Variants in CMIP observed in about 807,000 individuals in gnomAD.
The protein encoded by CMIP is c-Maf inducing protein.
In CMIP, 13 loss-of-function variants were observed where a neutral mutation model predicts 97.3. That is an observed-to-expected ratio of 0.13 (90% CI 0.09 to 0.21). The LOEUF is 0.21. CMIP is among the 10% of genes least tolerant of loss of function. The pLI, the probability that CMIP is intolerant of heterozygous loss-of-function variation, is 1.00. For synonymous variants in CMIP, 538 were observed against 436.3 expected (o/e 1.23, Z -2.91); for missense variants, 847 against 1,024.9 (o/e 0.83, Z 2.37).
At chr16:81,468,833 G>A (rs571570115) in intron 1 of CMIP, among the ~76,000 whole-genome samples, 6 of 152,350 alleles carry the variant, frequency 3.9e-5, no homozygotes, top group African/African-American at 1.4e-4. Flanking sequence ...GAAAGTCCGA[G>A]GGGCCTGGTG....
At chr16:81,680,901 C>A (rs916243928) in intron 10 of CMIP, among the ~76,000 whole-genome samples, 2 of 152,212 alleles carry the variant, frequency 1.3e-5, no homozygotes, top group Non-Finnish European at 2.9e-5. Context: ...TCCTATTTCT[C>A]ATTAAGCACT....
chr16:81,620,728 C>G (rs141333191), intron 2 of CMIP, 148 bp from the exon 3 acceptor site: 2 of 901,528 alleles, frequency 2.2e-6, no homozygotes, highest in East Asian at 2.7e-5. Context: ...ACAGGCTCAG[C>G]TTAGCATATC....
At position 81,504,641 on chromosome 16, in the gene CMIP, CAA is replaced by C. The variant is rs149715666; in HGVS notation, c.300+59124_300+59125del. Among the ~76,000 whole-genome samples the C allele has an allele frequency of 9.7e-5, 7 of 71,986 alleles. No individual in the cohort carries two copies. The East Asian group carries it at 2.0e-3, about 21-fold the overall frequency. The allele number at this position is 71,986 out of a possible 152,430, so 47.2% of individuals were successfully genotyped here. On this transcript the variant is annotated intron_variant, in intron 1 of 20. Transcript: ENST00000537098. ...CTCGGCGACAGAGTGAGACTCGTCT[CAA>C]AAAAAAAAAAAAAAAAAAAAAAAGA...
At chr16:81,479,143 A>G (rs545577398) in intron 1 of CMIP, among the ~76,000 whole-genome samples, 1 of 152,126 alleles carries the variant, frequency 6.6e-6, no homozygotes, top group African/African-American at 2.4e-5. Context: ...TTCTTTGCTT[A>G]ATCTGGCCTT....
At position 81,445,178 on chromosome 16, in the gene CMIP, C is replaced by T; in HGVS notation, c.-64C>T. ...TGCGGGCCGCCGGATCCGGGGGCCC[C>T]GCCGCCCCAGCAGCCCAGGACAGCC... On this transcript the variant is annotated 5_prime_UTR_variant, in exon 1 of 21. Coordinates refer to ENST00000537098, the MANE Select transcript of CMIP (RefSeq NM_198390.3). 8.9e-7 allele frequency: 1 copy of T among 1,126,016 alleles called. No individual in the cohort carries two copies. The allele number at this position is 1,126,016 out of a possible 1,614,324, so 69.8% of individuals were successfully genotyped here.
chr16:81,682,961 G>C (rs1251001780), intron 10 of CMIP, among the ~76,000 whole-genome samples: 1 of 152,238 alleles, frequency 6.6e-6, no homozygotes, highest in Non-Finnish European at 1.5e-5. Context: ...TTCGGGAGGC[G>C]AAGAAGAGCT....
intron 1 of CMIP, among the ~76,000 whole-genome samples, chr16:81,474,474 T>C (rs1002664875): frequency 6.6e-6 from 1 of 152,100 alleles, no homozygotes; most frequent in Non-Finnish European, 1.5e-5. Context: ...TACTTCTGCT[T>C]CATGTGAGGG....
At chr16:81,557,310 T>C (rs1413473784) in intron 1 of CMIP, among the ~76,000 whole-genome samples, 2 of 125,812 alleles carry the variant, frequency 1.6e-5, no homozygotes, top group African/African-American at 3.0e-5. Context: ...TTGAATTTAC[T>C]GATGTTGGTT....
Position 81,694,464 on chromosome 16 carries a change from T to TG in CMIP, c.1530+979dup, listed in dbSNP as rs1456334257. ...AAATGGGTCAAACTGGACCTTAGTC[T>TG]GGAGGGTGGAGCATGGTGTTTGAGA... On this transcript the variant is annotated intron_variant, in intron 13 of 20. Transcript: ENST00000537098. 2.0e-5 allele frequency among the ~76,000 whole-genome samples: 3 copies of TG among 152,174 alleles called. No individual in the cohort carries two copies. The East Asian group carries it at 5.8e-4, about 29-fold the overall frequency.
chr16:81,585,040 C>T (rs944084168), intron 1 of CMIP, among the ~76,000 whole-genome samples: 1 of 152,160 alleles, frequency 6.6e-6, no homozygotes, highest in Non-Finnish European at 1.5e-5. Flanking sequence ...ATGTAAAAAC[C>T]ACATGTAAAT....
intron 1 of CMIP, among the ~76,000 whole-genome samples, chr16:81,588,811 A>G (rs1226798017): frequency 6.6e-6 from 1 of 152,152 alleles, no homozygotes; most frequent in Non-Finnish European, 1.5e-5. Context: ...AGCACTTACC[A>G]TGAGCCAGAC....
At chr16:81,637,281 C>T (rs558401587) in intron 3 of CMIP, among the ~76,000 whole-genome samples, 3 of 152,232 alleles carry the variant, frequency 2.0e-5, no homozygotes, top group African/African-American at 7.2e-5. Context: ...TCATGTTGGC[C>T]AGGCTGGTCT....
At chr16:81,477,638 G>T (rs908620808) in intron 1 of CMIP, among the ~76,000 whole-genome samples, 2 of 152,224 alleles carry the variant, frequency 1.3e-5, no homozygotes, top group Non-Finnish European at 2.9e-5. Context: ...ATTTAAAAAT[G>T]CAGCAGCTTA....
chr16:81,587,775 T>C (rs2091406085), intron 1 of CMIP, among the ~76,000 whole-genome samples: 2 of 152,188 alleles, frequency 1.3e-5, no homozygotes, highest in Non-Finnish European at 2.9e-5. Context: ...CATGGTGATT[T>C]TAGAGAGCAC....
In CMIP at chr16:81,445,607, G is replaced by A. The variant is rs563076976; in HGVS notation, c.300+66G>A. On this transcript the variant is annotated intron_variant, in intron 1 of 20. Transcript: ENST00000537098. ...GGCCCGAGATGCGCCCTCCCTGGCT[G>A]CCCCCTGGCGCTGCACCTGGAGCCC... 1.3e-4 allele frequency: 193 copies of A among 1,480,660 alleles called. 1 individual carries two copies. The African/African-American group carries it at 2.5e-3, about 19-fold the overall frequency. 91.7% of individuals were successfully genotyped at this position (1,480,660 alleles called of 1,614,324 possible). A position where few individuals can be genotyped will look rare whatever the true frequency, so the allele number is the denominator to read the frequency against.
At chr16:81,575,727 G>A (rs72829068) in intron 1 of CMIP, among the ~76,000 whole-genome samples, 18,369 of 152,158 alleles carry the variant, frequency 0.12, 1,503 homozygotes, top group East Asian at 0.27. Context: ...TGGGAGGTGT[G>A]TGCTGGGCCC....
chr16:81,586,524 A>C (rs1014743203), intron 1 of CMIP, among the ~76,000 whole-genome samples: 1 of 152,106 alleles, frequency 6.6e-6, no homozygotes, highest in East Asian at 1.9e-4. Flanking sequence ...GTAAGCCCTC[A>C]CATTCCTCAG....
chr16:81,539,984 T>C (rs1043817589), intron 1 of CMIP, among the ~76,000 whole-genome samples: 4 of 152,146 alleles, frequency 2.6e-5, no homozygotes, highest in Non-Finnish European at 2.9e-5. Context: ...GGGACCACCA[T>C]GTTATTGGTG....
chr16:81,450,314 G>T (rs186332934), intron 1 of CMIP, among the ~76,000 whole-genome samples: 1 of 152,196 alleles, frequency 6.6e-6, no homozygotes, highest in East Asian at 1.9e-4. Flanking sequence ...TCTCCTCTGT[G>T]GGGGAGAACA....
Sources: allele counts gnomAD v4.1 joint callset (sites outside exome capture counted in the v4.1 genomes callset), GRCh38; gene constraint gnomAD v4.1.1; transcripts MANE v1.5; gene names NCBI Gene and HGNC (gene_info 2026-07-23, HGNC 2026-07-21).